The following CAMK4 variants were observed in gnomAD, a reference collection of about 807,000 sequenced individuals.
CAMK4 encodes the protein calcium/calmodulin-dependent protein kinase type IV.
Under a neutral mutation model 44.9 loss-of-function variants are expected in CAMK4, and 22 were observed. The observed-to-expected ratio is 0.49, with a 90% CI of 0.35 to 0.70. CAMK4 has a LOEUF of 0.70. CAMK4 is among the 30% of genes least tolerant of loss of function. The pLI is 0.01. For synonymous variants in CAMK4, 218 were observed against 215.4 expected, an observed-to-expected ratio of 1.01 and a Z score of -0.11; for missense variants, 498 against 586.8, an observed-to-expected ratio of 0.85 and a Z score of 1.56.
At chr5:111,301,769 A>G (rs1747728073) in intron 1 of CAMK4, among the ~76,000 whole-genome samples, 1 of 152,336 alleles carries the variant, frequency 6.6e-6, no homozygotes, top group Middle Eastern at 3.4e-3. Flanking sequence ...TTTCCTATAC[A>G]TAAACTTGCT....
At chr5:111,264,866 A>G (rs568535739) in intron 1 of CAMK4, among the ~76,000 whole-genome samples, 1 of 152,190 alleles carries the variant, frequency 6.6e-6, no homozygotes, top group East Asian at 1.9e-4. Context: ...TGATGCTGAT[A>G]CTAGCAATCT....
At chr5:111,393,706 C>A (rs762070194) in intron 4 of CAMK4, among the ~76,000 whole-genome samples, 1 of 151,684 alleles carries the variant, frequency 6.6e-6, no homozygotes, top group Non-Finnish European at 1.5e-5. Flanking sequence ...CACACTGGGG[C>A]CTATAAGAGG....
chr5:111,408,859 CA>C (rs1401363587), intron 5 of CAMK4, among the ~76,000 whole-genome samples: 2 of 152,142 alleles, frequency 1.3e-5, no homozygotes, highest in Admixed American at 1.3e-4. Context: ...TCCAATGGGG[CA>C]GAAAAATCTT....
intron 4 of CAMK4, among the ~76,000 whole-genome samples, chr5:111,393,879 T>C (rs957411860): frequency 1.3e-5 from 2 of 151,582 alleles, no homozygotes; most frequent in Admixed American, 6.6e-5. Context: ...TTGTGTTTTT[T>C]TTTTTTTTTT....
At chr5:111,441,343 A>G (rs1753816165) in intron 5 of CAMK4, among the ~76,000 whole-genome samples, 1 of 152,250 alleles carries the variant, frequency 6.6e-6, no homozygotes, top group Admixed American at 6.5e-5. Flanking sequence ...CTTTTTAAAA[A>G]TATAACACAC....
chr5:111,419,540 T>A (rs1435605521), intron 5 of CAMK4, among the ~76,000 whole-genome samples: 1 of 152,214 alleles, frequency 6.6e-6, no homozygotes, highest in East Asian at 1.9e-4. Context: ...CTGAATGGTA[T>A]TGCCTAGGTT....
chr5:111,234,684 C>G (rs1561351917), intron 1 of CAMK4, among the ~76,000 whole-genome samples: 1 of 152,134 alleles, frequency 6.6e-6, no homozygotes, highest in Non-Finnish European at 1.5e-5. Flanking sequence ...GTTGTTACCA[C>G]TTGCTTGTTA....
chr5:111,259,657 T>G (rs1749896384), intron 1 of CAMK4, among the ~76,000 whole-genome samples: 2 of 152,108 alleles, frequency 1.3e-5, no homozygotes, highest in South Asian at 4.1e-4. Flanking sequence ...AATGCCAAAC[T>G]TATATGTGGT....
intron 1 of CAMK4, among the ~76,000 whole-genome samples, chr5:111,299,259 G>C (rs1350910573): frequency 2.6e-5 from 4 of 152,224 alleles, no homozygotes; most frequent in African/African-American, 9.7e-5. Flanking sequence ...AGTACATTAG[G>C]TAACCACTCA....
intron 2 of CAMK4, among the ~76,000 whole-genome samples, chr5:111,349,621 G>A (rs1227222592): frequency 6.6e-6 from 1 of 151,990 alleles, no homozygotes; most frequent in African/African-American, 2.4e-5. Flanking sequence ...TAGAATGCCA[G>A]CTTTTGAAGA....
intron 2 of CAMK4, among the ~76,000 whole-genome samples, chr5:111,345,494 C>T (rs556531870): frequency 7.9e-5 from 12 of 151,946 alleles, no homozygotes; most frequent in East Asian, 7.8e-4. Context: ...GAAAATAAAA[C>T]GGCATATTTT....
chr5:111,345,014 G>A (rs1177951642), intron 2 of CAMK4, among the ~76,000 whole-genome samples: 1 of 151,834 alleles, frequency 6.6e-6, no homozygotes, highest in East Asian at 1.9e-4. Context: ...TGTAAAGTAT[G>A]CTGAGAAGTA....
chr5:111,260,381 G>A (rs779054234), intron 1 of CAMK4, among the ~76,000 whole-genome samples: 13 of 152,216 alleles, frequency 8.5e-5, no homozygotes, highest in South Asian at 2.1e-4. Flanking sequence ...CACCATGTCC[G>A]CTGGTAAAAT....
chr5:111,275,627 A>C (rs775683470), intron 1 of CAMK4, among the ~76,000 whole-genome samples: 8 of 152,114 alleles, frequency 5.3e-5, no homozygotes, highest in Non-Finnish European at 1.2e-4. Context: ...TTGGGAGTAA[A>C]GCATTTTCGG....
intron 4 of CAMK4, among the ~76,000 whole-genome samples, chr5:111,378,900 A>G (rs1177953825): frequency 2.3e-5 from 3 of 128,878 alleles, no homozygotes; most frequent in Non-Finnish European, 5.4e-5. Flanking sequence ...TCTTGTTCAC[A>G]TGTTCCCATG....
At chr5:111,400,152 T>G (rs1752171014) in intron 5 of CAMK4, among the ~76,000 whole-genome samples, 1 of 152,002 alleles carries the variant, frequency 6.6e-6, no homozygotes, top group Non-Finnish European at 1.5e-5. Context: ...TGTCACTAAG[T>G]TCCAGTTTAG....
chr5:111,449,743 C>T (rs1754162429), intron 7 of CAMK4: 1 of 152,274 alleles, frequency 6.6e-6, no homozygotes, highest in Admixed American at 6.5e-5. Context: ...ATCTTCCCGC[C>T]TCATCGCCCA....
At chr5:111,247,350 T>C (rs1749285081) in intron 1 of CAMK4, among the ~76,000 whole-genome samples, 1 of 147,562 alleles carries the variant, frequency 6.8e-6, no homozygotes, top group Admixed American at 6.8e-5. Context: ...TATAAAGAAA[T>C]TTGTAAATAA....
intron 3 of CAMK4, among the ~76,000 whole-genome samples, chr5:111,375,978 C>T (rs1751199074): frequency 6.6e-6 from 1 of 152,058 alleles, no homozygotes; most frequent in East Asian, 1.9e-4. Flanking sequence ...ATTTTATTGG[C>T]TGGAGCTAGT....
Sources: gnomAD v4.1 joint callset for allele counts (sites outside exome capture counted in the v4.1 genomes callset) on GRCh38, gnomAD v4.1.1 for gene constraint, MANE v1.5 for transcripts, NCBI Gene and HGNC (gene_info 2026-07-23, HGNC 2026-07-21) for gene names.